LPGAT1: variants seen among roughly 807,000 people sequenced by gnomAD.
The protein encoded by LPGAT1 is lysophosphatidylglycerol acyltransferase 1.
Under a neutral mutation model 47.5 loss-of-function variants are expected in LPGAT1, and 11 were observed. The observed-to-expected ratio is 0.23, with a 90% CI of 0.15 to 0.38. The LOEUF is 0.38. LPGAT1 is among the 10% of genes least tolerant of loss of function. The probability of loss-of-function intolerance (pLI) is 1.00; values close to 1 mark genes in which losing one functional copy is unlikely to be tolerated. For missense variants in LPGAT1, 293 were observed against 439.0 expected (o/e 0.67, Z 2.97); for synonymous variants, 138 against 144.2 (o/e 0.96, Z 0.31).
At chr1:211,815,688 A>G (rs1305580635) in intron 2 of LPGAT1, among the ~76,000 whole-genome samples, 1 of 151,436 alleles carries the variant, frequency 6.6e-6, no homozygotes, top group African/African-American at 2.4e-5. Context: ...AGCTTCCCTC[A>G]ACCACTAAAC....
At chr1:211,821,046 T>A (rs1278792534) in intron 2 of LPGAT1, among the ~76,000 whole-genome samples, 1 of 151,984 alleles carries the variant, frequency 6.6e-6, no homozygotes, top group African/African-American at 2.4e-5. Flanking sequence ...TGTAAGATAC[T>A]CAAAAAAAAG....
chr1:211,807,183 A>G (rs1416167830), intron 2 of LPGAT1, among the ~76,000 whole-genome samples: 1 of 152,184 alleles, frequency 6.6e-6, no homozygotes, highest in Non-Finnish European at 1.5e-5. Flanking sequence ...CTCCTCCCCA[A>G]ATGAAATACT....
At chr1:211,755,587 GA>G (rs1657408267) in intron 6 of LPGAT1, among the ~76,000 whole-genome samples, 1 of 151,186 alleles carries the variant, frequency 6.6e-6, no homozygotes, top group Admixed American at 6.6e-5. Flanking sequence ...AGTGTGGCAT[GA>G]AAAATCTATT....
chr1:211,775,441 C>A (rs947255843), intron 6 of LPGAT1, among the ~76,000 whole-genome samples: 5 of 152,158 alleles, frequency 3.3e-5, no homozygotes, highest in African/African-American at 9.7e-5. Flanking sequence ...ATCCCAGCCA[C>A]CCAGAGCCAC....
At chr1:211,757,644 C>T (rs549982765) in intron 6 of LPGAT1, among the ~76,000 whole-genome samples, 1 of 151,926 alleles carries the variant, frequency 6.6e-6, no homozygotes, top group African/African-American at 2.4e-5. Flanking sequence ...AAGTCAATAC[C>T]AAGAATTTAA....
intron 6 of LPGAT1, among the ~76,000 whole-genome samples, chr1:211,766,264 C>G (rs1192920921): frequency 6.6e-6 from 1 of 152,124 alleles, no homozygotes; most frequent in African/African-American, 2.4e-5. Flanking sequence ...CACTGGCTTT[C>G]CCAGGCCTCC....
chr1:211,818,692 T>C (rs1660263097), intron 2 of LPGAT1, among the ~76,000 whole-genome samples: 1 of 152,196 alleles, frequency 6.6e-6, no homozygotes, highest in African/African-American at 2.4e-5. Context: ...CTAGTGATCT[T>C]TAAAGTTCTC....
chr1:211,786,224 A>T (rs953893032), intron 4 of LPGAT1, among the ~76,000 whole-genome samples: 10 of 152,260 alleles, frequency 6.6e-5, no homozygotes, highest in African/African-American at 2.2e-4. Flanking sequence ...ATGAAATGAT[A>T]TAATGTCCAG....
At chr1:211,759,128 G>A (rs544179448) in intron 6 of LPGAT1, among the ~76,000 whole-genome samples, 7 of 152,146 alleles carry the variant, frequency 4.6e-5, no homozygotes, top group Non-Finnish European at 1.0e-4. Context: ...AGGTCTGCCT[G>A]TAAATTTTCC....
chr1:211,826,935 A>C (rs1453701848), intron 2 of LPGAT1, among the ~76,000 whole-genome samples: 1 of 152,190 alleles, frequency 6.6e-6, no homozygotes, highest in African/African-American at 2.4e-5. Context: ...GAAATATATT[A>C]TCTAAAGAAA....
At chr1:211,779,090 T>C (rs1341543316) in intron 5 of LPGAT1, 46 bp from the exon 6 acceptor site, 1 of 1,466,980 alleles carries the variant, frequency 6.8e-7, no homozygotes, top group Admixed American at 2.3e-5. Context: ...AACTTTTATA[T>C]TATCTGCAGC....
At chr1:211,801,319 C>T (rs577374792) in intron 2 of LPGAT1, among the ~76,000 whole-genome samples, 3 of 152,266 alleles carry the variant, frequency 2.0e-5, no homozygotes, top group African/African-American at 7.2e-5. Context: ...TTAGTTTCCC[C>T]CATGTAGTTC....
At chr1:211,771,325 G>A (rs1277407389) in intron 6 of LPGAT1, among the ~76,000 whole-genome samples, 1 of 152,070 alleles carries the variant, frequency 6.6e-6, no homozygotes, top group Non-Finnish European at 1.5e-5. Flanking sequence ...TTCGTACAAT[G>A]ATGAAATCAC....
In LPGAT1 at chr1:211,793,409, ATTTAT is replaced by A. The variant is rs544611807; in HGVS notation, c.239-224_239-220del. On this transcript the variant is annotated intron_variant, in intron 2 of 7. Transcript: ENST00000366997. ...TTAAAATATAAAATTATCATTATTTATTTATTTATTTATTTATTTATTTATTTATT... is the reference window on the plus strand; with the variant it reads ...TTAAAATATAAAATTATCATTATTTATTATTTATTTATTTATTTATTTATT... The A allele has an allele frequency of 1.8e-3, 147 of 81,314 alleles. 1 individual carries two copies. The East Asian group carries it at 0.032, about 18-fold the overall frequency. The allele number at this position is 81,314 out of a possible 1,614,324, so 5.0% of individuals were successfully genotyped here.
chr1:211,822,133 A>C (rs1304522947), intron 2 of LPGAT1, among the ~76,000 whole-genome samples: 1 of 152,104 alleles, frequency 6.6e-6, no homozygotes, highest in African/African-American at 2.4e-5. Flanking sequence ...TAAACCAAAA[A>C]CTATTTTACC....
intron 3 of LPGAT1, among the ~76,000 whole-genome samples, chr1:211,791,644 G>A (rs1659113603): frequency 6.6e-6 from 1 of 151,854 alleles, no homozygotes; most frequent in African/African-American, 2.4e-5. Flanking sequence ...CTGCTTGGGA[G>A]GCTGAGGCAC....
chr1:211,774,664 T>A (rs755720836), intron 6 of LPGAT1, among the ~76,000 whole-genome samples: 60 of 152,242 alleles, frequency 3.9e-4, no homozygotes, highest in Non-Finnish European at 7.3e-4. Context: ...ATGTTTACTT[T>A]CTCATCTATG....
In LPGAT1 at chr1:211,758,725, T is replaced by C. The variant is rs186492254; in HGVS notation, c.855-7658A>G. Among the ~76,000 whole-genome samples, 68 of 152,192 alleles carry C rather than the reference T, an allele frequency of 4.5e-4. 1 individual carries two copies. The highest frequency in any genetic ancestry group is 1.6e-3 in the African/African-American group (65 of 41,534). ...CTCAGAAAAAAAAAAGAACCTCTAG[T>C]ATAATGTTCTAGTACAGTGATAATA... is the stretch of plus-strand genomic sequence containing the variant. On this transcript the variant is annotated intron_variant, in intron 6 of 7. Coordinates refer to ENST00000366997, the MANE Select transcript of LPGAT1 (RefSeq NM_014873.3).
intron 6 of LPGAT1, among the ~76,000 whole-genome samples, chr1:211,760,088 G>A (rs1657627393): frequency 6.6e-6 from 1 of 152,226 alleles, no homozygotes; most frequent in Admixed American, 6.5e-5. Flanking sequence ...AGGATGGCTA[G>A]TAGTGTTTCT....
Sources: allele counts gnomAD v4.1 joint callset (sites outside exome capture counted in the v4.1 genomes callset), GRCh38; gene constraint gnomAD v4.1.1; transcripts MANE v1.5; gene names NCBI Gene and HGNC (gene_info 2026-07-23, HGNC 2026-07-21).